Variants in LYRM4 observed in about 807,000 individuals in gnomAD.
LYRM4 encodes the protein LYR motif-containing protein 4.
Under a neutral mutation model 11.7 loss-of-function variants are expected in LYRM4, and 9 were observed. The ratio of observed to expected loss-of-function variants is 0.77; its 90% confidence interval spans 0.46 to 1.34. The LOEUF is 1.34. LYRM4 is among the 40% of genes most tolerant of loss of function. The probability of loss-of-function intolerance (pLI) is 0.00; values close to 1 mark genes in which losing one functional copy is unlikely to be tolerated. For missense variants in LYRM4, 133 were observed against 112.5 expected, an observed-to-expected ratio of 1.18 and a Z score of -0.82; for synonymous variants, 42 against 40.4, an observed-to-expected ratio of 1.04 and a Z score of -0.15.
At chr6:5,246,869 A>C (rs959147333) in intron 1 of LYRM4, among the ~76,000 whole-genome samples, 3 of 152,116 alleles carry the variant, frequency 2.0e-5, no homozygotes, top group African/African-American at 4.8e-5. Flanking sequence ...GGGAGTAAAC[A>C]CAGAGGTGGC....
chr6:5,178,989 T>C (rs116476535), intron 2 of LYRM4, among the ~76,000 whole-genome samples: 1,718 of 145,634 alleles, frequency 0.012, 33 homozygotes, highest in African/African-American at 0.041. Context: ...AAATGATCTA[T>C]AGGCCATGCA....
At chr6:5,146,105 C>A (rs1366104211) in intron 2 of LYRM4, among the ~76,000 whole-genome samples, 2 of 152,218 alleles carry the variant, frequency 1.3e-5, no homozygotes, top group Non-Finnish European at 2.9e-5. Flanking sequence ...GTGCTTCTGG[C>A]ACTGGATTCA....
chr6:5,199,877 C>G (rs991891680), intron 2 of LYRM4, among the ~76,000 whole-genome samples: 5 of 152,166 alleles, frequency 3.3e-5, no homozygotes, highest in African/African-American at 7.2e-5. Context: ...CTTGCTGCCC[C>G]CAAGGTGCTA....
intron 1 of LYRM4, chr6:5,218,287 A>C: frequency 2.0e-6 from 2 of 985,334 alleles, no homozygotes. Flanking sequence ...TGCCAGTAGT[A>C]ATATTTAGCA....
At chr6:5,208,201 C>CGCT (rs1761806804) in intron 2 of LYRM4, among the ~76,000 whole-genome samples, 1 of 152,078 alleles carries the variant, frequency 6.6e-6, no homozygotes, top group African/African-American at 2.4e-5. Context: ...CACACATCAT[C>CGCT]ACTGCTGCCA....
chr6:5,122,859 G>A (rs1763522267), intron 2 of LYRM4, among the ~76,000 whole-genome samples: 1 of 152,192 alleles, frequency 6.6e-6, no homozygotes, highest in Non-Finnish European at 1.5e-5. Flanking sequence ...ATCCTTCCAC[G>A]TTGGCACGCA....
At chr6:5,035,762 C>CT in the LYRM4 span, among the ~76,000 whole-genome samples, 30 of 42 alleles carry the variant, frequency 0.71, 14 homozygotes, top group East Asian at 1. Context: ...CTCCCCTCCC[C>CT]CCCTTCCCTT....
chr6:5,257,538 C>T (rs1290604514), intron 1 of LYRM4, among the ~76,000 whole-genome samples: 1 of 152,220 alleles, frequency 6.6e-6, no homozygotes, highest in East Asian at 1.9e-4. Flanking sequence ...GTCCCCAACC[C>T]ATCAGTACTG....
At chr6:5,156,572 T>C (rs1438132517) in intron 2 of LYRM4, among the ~76,000 whole-genome samples, 1 of 152,198 alleles carries the variant, frequency 6.6e-6, no homozygotes, top group Non-Finnish European at 1.5e-5. Context: ...GGGCTGCCCG[T>C]GCATCTTGAA....
chr6:5,191,493 T>G (rs1413546387), intron 2 of LYRM4, among the ~76,000 whole-genome samples: 1 of 152,170 alleles, frequency 6.6e-6, no homozygotes, highest in African/African-American at 2.4e-5. Context: ...TTCACTGTCT[T>G]GAGCTAAGGT....
chr6:5,182,487 T>C (rs772916862), intron 2 of LYRM4, among the ~76,000 whole-genome samples: 4 of 152,262 alleles, frequency 2.6e-5, no homozygotes, highest in Non-Finnish European at 5.9e-5. Context: ...GTTTCATTTA[T>C]TAGATGTGTA....
intron 1 of LYRM4, among the ~76,000 whole-genome samples, chr6:5,249,264 C>T (rs1764327782): frequency 6.6e-6 from 1 of 152,118 alleles, no homozygotes; most frequent in South Asian, 2.1e-4. Flanking sequence ...AATAAAAAAA[C>T]CAGTTGGCCT....
intron 2 of LYRM4, among the ~76,000 whole-genome samples, chr6:5,160,110 G>T (rs1758663519): frequency 1.3e-5 from 2 of 152,164 alleles, no homozygotes; most frequent in Non-Finnish European, 2.9e-5. Context: ...TGCTATTTGT[G>T]TAACTCATAA....
rs933835883 is a variant in LYRM4, at chr6:5,260,825, A to T, written c.-92T>A. On this transcript the variant is annotated 5_prime_UTR_variant, in exon 1 of 3. Transcript: ENST00000330636. Reference sequence around the variant, plus strand: ...ACTCCAGCCTGTGCGGAAACCACGAACGAAATAAAATGCTGCGGCTCGGCT... The same window carrying T: ...ACTCCAGCCTGTGCGGAAACCACGATCGAAATAAAATGCTGCGGCTCGGCT... 105 of 1,523,814 alleles carry T rather than the reference A, an allele frequency of 6.9e-5. No individual in the cohort carries two copies. Among genetic ancestry groups the T allele is most frequent in the Non-Finnish European group, 9.0e-5 (103 of 1,142,074 alleles). The allele number at this position is 1,523,814 out of a possible 1,614,324, so 94.4% of individuals were successfully genotyped here.
At chr6:5,062,689 T>C in the LYRM4 span, among the ~76,000 whole-genome samples, 1 of 152,160 alleles carries the variant, frequency 6.6e-6, no homozygotes, top group Non-Finnish European at 1.5e-5. Context: ...TAACACATCC[T>C]GTTTGAGGAC....
chr6:5,248,024 T>C (rs544266057), intron 1 of LYRM4, among the ~76,000 whole-genome samples: 1 of 152,324 alleles, frequency 6.6e-6, no homozygotes, highest in South Asian at 2.1e-4. Flanking sequence ...TTTAAGATCA[T>C]GCCTGCAATG....
chr6:5,142,779 C>T (rs79626314), intron 2 of LYRM4, among the ~76,000 whole-genome samples: 1 of 152,158 alleles, frequency 6.6e-6, no homozygotes, highest in East Asian at 1.9e-4. Flanking sequence ...CGCTTTGGGA[C>T]TCACAGCCAT....
intron 2 of LYRM4, among the ~76,000 whole-genome samples, chr6:5,175,062 A>C (rs9791263): frequency 0.33 from 50,390 of 152,116 alleles, 9,908 homozygotes; most frequent in East Asian, 0.49. Flanking sequence ...ATATGATTTA[A>C]AGTAAGTAGT....
At chr6:5,120,136 C>T (rs1047434603) in intron 2 of LYRM4, among the ~76,000 whole-genome samples, 1 of 152,090 alleles carries the variant, frequency 6.6e-6, no homozygotes, top group Non-Finnish European at 1.5e-5. Context: ...ACCTCGGGAT[C>T]CATCCACCTC....
Sources: gnomAD v4.1 joint callset for allele counts (sites outside exome capture counted in the v4.1 genomes callset) on GRCh38, gnomAD v4.1.1 for gene constraint, MANE v1.5 for transcripts, NCBI Gene and HGNC (gene_info 2026-07-23, HGNC 2026-07-21) for gene names.